KRABD5: variants seen among roughly 807,000 people sequenced by gnomAD.
KRABD5 encodes the protein KRAB domain containing 5.
the KRABD5 span, chr16:31,723,248 A>G: frequency 1.2e-6 from 2 of 1,611,376 alleles, no homozygotes; most frequent in South Asian, 2.2e-5. Context: ...GACTTTTTCT[A>G]ATAAAACAGG....
At chr16:31,742,492 C>T in the KRABD5 span, among the ~76,000 whole-genome samples, 1 of 152,222 alleles carries the variant, frequency 6.6e-6, no homozygotes, top group Non-Finnish European at 1.5e-5. Flanking sequence ...GACATGATCT[C>T]ATTCCTTTTT....
At chr16:31,741,999 G>A in the KRABD5 span, among the ~76,000 whole-genome samples, 1 of 151,938 alleles carries the variant, frequency 6.6e-6, no homozygotes, top group Admixed American at 6.6e-5. Context: ...TCATTCGTTT[G>A]CATGTGGTTA....
At chr16:31,725,190 A>ACTACAACCT in the KRABD5 span, among the ~76,000 whole-genome samples, 8 of 151,632 alleles carry the variant, frequency 5.3e-5, no homozygotes, top group Non-Finnish European at 1.0e-4. Context: ...ATCTTGGCTC[A>ACTACAACCT]CTACAACCTC....
chr16:31,735,943 T>G, the KRABD5 span, among the ~76,000 whole-genome samples: 1 of 152,218 alleles, frequency 6.6e-6, no homozygotes, highest in African/African-American at 2.4e-5. Context: ...TATTTTTGCT[T>G]AGGTTGCCTT....
At chr16:31,753,882 A>ATCCTT in the KRABD5 span, 1 of 1,551,350 alleles carries the variant, frequency 6.4e-7, no homozygotes, top group East Asian at 2.4e-5. Flanking sequence ...AAACTTAAGG[A>ATCCTT]AAGAGTGGGA....
At chr16:31,713,950 T>G in the KRABD5 span, among the ~76,000 whole-genome samples, 2 of 152,218 alleles carry the variant, frequency 1.3e-5, no homozygotes, top group Admixed American at 1.3e-4. Flanking sequence ...TTAGGAATGC[T>G]GCTGGGGAAA....
the KRABD5 span, among the ~76,000 whole-genome samples, chr16:31,726,808 T>C: frequency 6.6e-6 from 1 of 152,146 alleles, no homozygotes; most frequent in African/African-American, 2.4e-5. Context: ...TTATTTCTAT[T>C]TCTCTGAAAA....
chr16:31,718,240 C>G, the KRABD5 span, among the ~76,000 whole-genome samples: 1 of 152,086 alleles, frequency 6.6e-6, no homozygotes, highest in African/African-American at 2.4e-5. Flanking sequence ...GAGGGGCTGT[C>G]TCCTCTAGTT....
At chr16:31,713,362 C>T in the KRABD5 span, 7 of 1,576,684 alleles carry the variant, frequency 4.4e-6, no homozygotes, top group South Asian at 3.4e-5. Flanking sequence ...GACAGAACCT[C>T]TGTTACTCTG....
chr16:31,747,568 G>A, the KRABD5 span, among the ~76,000 whole-genome samples: 9 of 152,158 alleles, frequency 5.9e-5, no homozygotes, highest in South Asian at 4.1e-4. Context: ...TCGCCACACC[G>A]ACTTCCACAA....
At chr16:31,723,388 G>T in the KRABD5 span, 162 of 1,572,810 alleles carry the variant, frequency 1.0e-4, 1 homozygote, top group Non-Finnish European at 5.3e-5. Context: ...TGACATGGGC[G>T]AGAGGTCCAG....
the KRABD5 span, chr16:31,759,358 C>A: frequency 6.6e-7 from 1 of 1,507,446 alleles, no homozygotes; most frequent in Non-Finnish European, 8.9e-7. Flanking sequence ...TTATTCCAGG[C>A]AAAATAATCC....
At chr16:31,757,569 T>C in the KRABD5 span, 1 of 152,212 alleles carries the variant, frequency 6.6e-6, no homozygotes, top group African/African-American at 2.4e-5. Context: ...AGTATTTTGA[T>C]TGAATGCTGT....
chr16:31,753,988 G>T, the KRABD5 span: 1 of 1,502,014 alleles, frequency 6.7e-7, no homozygotes, highest in East Asian at 2.5e-5. Context: ...GTTACAGGAG[G>T]TCAAAAACAT....
the KRABD5 span, among the ~76,000 whole-genome samples, chr16:31,721,348 T>A: frequency 4.6e-5 from 7 of 152,152 alleles, no homozygotes; most frequent in Non-Finnish European, 8.8e-5. Context: ...TGTTTTCATC[T>A]TCTTCTCAGT....
the KRABD5 span, among the ~76,000 whole-genome samples, chr16:31,749,707 T>C: frequency 1.3e-5 from 2 of 152,192 alleles, no homozygotes; most frequent in African/African-American, 4.8e-5. Flanking sequence ...TCTCCTCCCC[T>C]GTGTGGCTCT....
chr16:31,753,780 G>A, the KRABD5 span: 1 of 1,494,754 alleles, frequency 6.7e-7, no homozygotes. Context: ...CTTTTCTCAT[G>A]ATACTCAAGG....
At chr16:31,724,285 T>C in the KRABD5 span, among the ~76,000 whole-genome samples, 1 of 152,170 alleles carries the variant, frequency 6.6e-6, no homozygotes, top group Non-Finnish European at 1.5e-5. Flanking sequence ...TGCATCCTGA[T>C]CGTTTGATTT....
chr16:31,738,109 G>T, the KRABD5 span, among the ~76,000 whole-genome samples: 2 of 152,074 alleles, frequency 1.3e-5, no homozygotes. Flanking sequence ...TTTTTTTGCA[G>T]CTTAACAGGT....
Sources: gnomAD v4.1 joint callset for allele counts (sites outside exome capture counted in the v4.1 genomes callset) on GRCh38, gnomAD v4.1.1 for gene constraint, MANE v1.5 for transcripts, NCBI Gene and HGNC (gene_info 2026-07-23, HGNC 2026-07-21) for gene names.